The following SAMMSON variants were observed in gnomAD, a reference collection of about 807,000 sequenced individuals.
SAMMSON encodes long intergenic non-protein coding RNA 1212.
intron 9 of SAMMSON, among the ~76,000 whole-genome samples, chr3:70,388,262 T>G (rs954961545): frequency 9.2e-5 from 14 of 152,250 alleles, no homozygotes; most frequent in Middle Eastern, 3.4e-3. Flanking sequence ...GAACATAGGC[T>G]CCTTGGTCTA....
chr3:70,123,768 A>G (rs2067444554), intron 4 of SAMMSON, among the ~76,000 whole-genome samples: 1 of 152,194 alleles, frequency 6.6e-6, no homozygotes, highest in African/African-American at 2.4e-5. Context: ...GGAGGAGCAG[A>G]TCCCCTCTCA....
chr3:70,348,515 C>T (rs1239855656), intron 7 of SAMMSON, among the ~76,000 whole-genome samples: 1 of 152,134 alleles, frequency 6.6e-6, no homozygotes, highest in African/African-American at 2.4e-5. Context: ...CCTCCATCCC[C>T]TTATAAGAGC....
rs77924458 is a variant in SAMMSON, at chr3:70,087,440, G to A, written n.507+15875G>A. 2.2e-3 allele frequency among the ~76,000 whole-genome samples: 333 copies of A among 152,212 alleles called. 1 individual carries two copies. Among genetic ancestry groups the A allele is most frequent in the African/African-American group, 7.2e-3 (301 of 41,546 alleles). On this transcript the variant is annotated intron_variant and non_coding_transcript_variant, in intron 4 of 9. Transcript: ENST00000642114. ...GTCTCAGCCTGAGACCTTTTTCTCT[G>A]TATGCACATTCGTCCAAAAATAGAT...
chr3:70,367,868 C>T (rs191812660), intron 9 of SAMMSON, among the ~76,000 whole-genome samples: 158 of 151,546 alleles, frequency 1.0e-3, no homozygotes, highest in Admixed American at 2.1e-3. Context: ...CCCCTTTCTC[C>T]GTATCCTTGC....
chr3:70,338,718 A>G (rs1287105593), intron 7 of SAMMSON, among the ~76,000 whole-genome samples: 1 of 152,170 alleles, frequency 6.6e-6, no homozygotes, highest in Non-Finnish European at 1.5e-5. Flanking sequence ...CTCTTCAAGG[A>G]GAACTACAAA....
At position 70,286,687 on chromosome 3, in the gene SAMMSON, A is replaced by C. The variant is rs1187323400; in HGVS notation, n.675-4492A>C. 4.6e-5 allele frequency among the ~76,000 whole-genome samples: 7 copies of C among 152,118 alleles called. No individual in the cohort carries two copies. The East Asian group carries it at 1.4e-3, about 29-fold the overall frequency. The stretch of plus-strand genomic sequence containing the variant: ...TTCATGATATTGATTCTTCCTACCC[A>C]TGAGCATGGAATGTTCTTCCATTTC... On this transcript the variant is annotated intron_variant and non_coding_transcript_variant, in intron 6 of 9. Transcript: ENST00000642114.
At chr3:70,325,932 T>G (rs1179663848) in intron 7 of SAMMSON, among the ~76,000 whole-genome samples, 2 of 152,148 alleles carry the variant, frequency 1.3e-5, no homozygotes. Context: ...TGAACTGTGT[T>G]TCTTCACGTA....
At chr3:70,061,476 T>G (rs1873628) in intron 3 of SAMMSON, among the ~76,000 whole-genome samples, 20,590 of 152,158 alleles carry the variant, frequency 0.14, 1,643 homozygotes, top group African/African-American at 0.2. Context: ...CCATCTTTTC[T>G]GCTTGTCTTG....
intron 6 of SAMMSON, among the ~76,000 whole-genome samples, chr3:70,282,273 G>T (rs1309817545): frequency 6.6e-6 from 1 of 152,122 alleles, no homozygotes; most frequent in African/African-American, 2.4e-5. Flanking sequence ...GGAACACCTG[G>T]TGTTTCAGTA....
intron 7 of SAMMSON, among the ~76,000 whole-genome samples, chr3:70,306,576 C>G (rs536908099): frequency 6.6e-6 from 1 of 152,210 alleles, no homozygotes; most frequent in East Asian, 1.9e-4. Flanking sequence ...CCATTCCCCA[C>G]CCCCTATTTT....
chr3:70,111,673 G>A (rs76505967), intron 4 of SAMMSON, among the ~76,000 whole-genome samples: 2,196 of 152,264 alleles, frequency 0.014, 24 homozygotes, highest in Non-Finnish European at 0.022. Flanking sequence ...TATTACATAA[G>A]TAGGTTTAAA....
intron 7 of SAMMSON, among the ~76,000 whole-genome samples, chr3:70,318,230 C>A (rs1484168001): frequency 6.6e-6 from 1 of 151,868 alleles, no homozygotes; most frequent in East Asian, 1.9e-4. Context: ...TGTATTTCTC[C>A]CTCTAGGATT....
At chr3:70,268,190 G>A (rs1231624841) in intron 6 of SAMMSON, among the ~76,000 whole-genome samples, 1 of 152,098 alleles carries the variant, frequency 6.6e-6, no homozygotes, top group Non-Finnish European at 1.5e-5. Context: ...ACATTCTCCG[G>A]CTGGGCGCGG....
intron 3 of SAMMSON, among the ~76,000 whole-genome samples, chr3:70,031,093 AG>A (rs760906042): frequency 6.6e-6 from 1 of 152,222 alleles, no homozygotes; most frequent in Non-Finnish European, 1.5e-5. Flanking sequence ...TCTTGTAAAA[AG>A]GTTGATGGCA....
chr3:70,089,077 C>T (rs1002704034), intron 4 of SAMMSON, among the ~76,000 whole-genome samples: 1 of 152,010 alleles, frequency 6.6e-6, no homozygotes, highest in Admixed American at 6.5e-5. Flanking sequence ...TTCCTCTGCA[C>T]TAAAATGGGG....
chr3:70,111,945 T>C (rs1027873466), intron 4 of SAMMSON, among the ~76,000 whole-genome samples: 2 of 152,090 alleles, frequency 1.3e-5, no homozygotes, highest in African/African-American at 4.8e-5. Context: ...ACATTAAAAG[T>C]CTTGAAAGGT....
At chr3:70,142,331 G>A (rs183753660) in intron 4 of SAMMSON, among the ~76,000 whole-genome samples, 3 of 152,190 alleles carry the variant, frequency 2.0e-5, no homozygotes, top group Admixed American at 1.3e-4. Context: ...ATATATATAT[G>A]TATATGATGG....
At chr3:70,425,568 C>T (rs1172226490) in intron 2 of SAMMSON, among the ~76,000 whole-genome samples, 1 of 126,750 alleles carries the variant, frequency 7.9e-6, no homozygotes, top group Non-Finnish European at 1.7e-5. Flanking sequence ...CCCGCCACCA[C>T]GCCCAGCTAT....
At chr3:70,404,325 T>C (rs1701163462) in intron 2 of SAMMSON, among the ~76,000 whole-genome samples, 1 of 152,150 alleles carries the variant, frequency 6.6e-6, no homozygotes, top group Non-Finnish European at 1.5e-5. Context: ...CCAAGGAATG[T>C]TGTGTATCAA....
Sources: allele counts gnomAD v4.1 joint callset (sites outside exome capture counted in the v4.1 genomes callset), GRCh38; gene constraint gnomAD v4.1.1; transcripts MANE v1.5; gene names NCBI Gene and HGNC (gene_info 2026-07-23, HGNC 2026-07-21).